Variants in MXRA7 observed in about 807,000 individuals in gnomAD.
MXRA7 encodes matrix remodeling associated 7.
A neutral mutation model predicts 17.4 loss-of-function variants in MXRA7; 18 were observed. The observed-to-expected ratio is 1.03, with a 90% CI of 0.71 to 1.53. The LOEUF is 1.53. Ranked by LOEUF, MXRA7 falls within the 40% of genes most tolerant of loss-of-function variation. MXRA7 has a pLI of 0.00. For synonymous variants in MXRA7, 70 were observed against 101.7 expected, an observed-to-expected ratio of 0.69 and a Z score of 1.87; for missense variants, 141 against 209.3, an observed-to-expected ratio of 0.67 and a Z score of 2.01.
chr17:76,685,389 A>G (rs1448192321), intron 2 of MXRA7, among the ~76,000 whole-genome samples: 3 of 152,216 alleles, frequency 2.0e-5, no homozygotes, highest in Non-Finnish European at 4.4e-5. Flanking sequence ...CCTAGTCCAC[A>G]GCTGTCTCCA....
intron 1 of MXRA7, among the ~76,000 whole-genome samples, chr17:76,697,279 G>C (rs1023090997): frequency 1.3e-5 from 2 of 152,160 alleles, no homozygotes; most frequent in Admixed American, 6.6e-5. Context: ...CGGAGAAGGC[G>C]GCCAACTGCA....
chr17:76,700,143 T>C (rs2076574618), intron 1 of MXRA7, among the ~76,000 whole-genome samples: 1 of 152,138 alleles, frequency 6.6e-6, no homozygotes, highest in African/African-American at 2.4e-5. Flanking sequence ...CCTGGCTTTT[T>C]GTATTTTTAG....
At chr17:76,683,776 C>T in intron 3 of MXRA7, 1 of 1,121,056 alleles carries the variant, frequency 8.9e-7, no homozygotes, top group Non-Finnish European at 1.4e-6. Context: ...GAGGCCGCGT[C>T]AGTTGTTTGG....
intron 3 of MXRA7, among the ~76,000 whole-genome samples, chr17:76,682,521 C>A (rs1189278851): frequency 6.6e-6 from 1 of 152,124 alleles, no homozygotes; most frequent in African/African-American, 2.4e-5. Flanking sequence ...GCGCTCCCCA[C>A]CCCCATGAGA....
downstream of MXRA7, among the ~76,000 whole-genome samples, chr17:76,678,413 T>A (rs1454061488): frequency 6.6e-6 from 1 of 152,204 alleles, no homozygotes; most frequent in African/African-American, 2.4e-5. Context: ...AGCTACACCA[T>A]CTGACCAGCA....
At chr17:76,677,557 G>C, downstream of MXRA7, 3 of 1,473,198 alleles carry the variant, frequency 2.0e-6, no homozygotes, top group Non-Finnish European at 2.8e-6. Flanking sequence ...ACAGCATCAG[G>C]CATGGCCGCT....
At chr17:76,705,054 A>G (rs1235349264) in intron 1 of MXRA7, among the ~76,000 whole-genome samples, 1 of 152,184 alleles carries the variant, frequency 6.6e-6, no homozygotes, top group Non-Finnish European at 1.5e-5. Context: ...GGCTACAAAA[A>G]GGAAACTGTC....
chr17:76,687,973 C>A (rs2076420366), intron 2 of MXRA7, 140 bp downstream of exon 2: 1 of 843,964 alleles, frequency 1.2e-6, no homozygotes, highest in African/African-American at 1.7e-5. Flanking sequence ...CCAGACTCTA[C>A]CTCTCATGCC....
intron 1 of MXRA7, among the ~76,000 whole-genome samples, chr17:76,706,253 CATCACA>C (rs2076655989): frequency 5.4e-5 from 7 of 129,780 alleles, no homozygotes; most frequent in African/African-American, 8.5e-5. Context: ...CCCACTCTGC[CATCACA>C]GAGGCCCACG....
intron 1 of MXRA7, among the ~76,000 whole-genome samples, chr17:76,702,416 G>A (rs551943994): frequency 3.3e-5 from 5 of 152,310 alleles, no homozygotes; most frequent in African/African-American, 1.2e-4. Flanking sequence ...GCCGAGGCAT[G>A]AGGATCCCTT....
At chr17:76,675,035 T>C (rs1287425170), downstream of MXRA7, 1 of 152,218 alleles carries the variant, frequency 6.6e-6, no homozygotes, top group African/African-American at 2.4e-5. Context: ...TTGTTCTAAC[T>C]CTTGGCTTCT....
intron 3 of MXRA7, among the ~76,000 whole-genome samples, chr17:76,682,162 A>G (rs1219554095): frequency 6.6e-6 from 1 of 152,128 alleles, no homozygotes; most frequent in East Asian, 1.9e-4. Context: ...TTCCAGTCCC[A>G]CTTCCTAATT....
chr17:76,673,279 T>C (rs1291618111), exon 4 of MXRA7: 1 of 152,216 alleles, frequency 6.6e-6, no homozygotes, highest in Non-Finnish European at 1.5e-5. Flanking sequence ...CAACTTCTAC[T>C]TTCTTTAAAG....
Position 76,708,393 on chromosome 17 carries a change from T to C in MXRA7, c.342+2212A>G, listed in dbSNP as rs187319099. ...AGGTGGAGTTGCCCTCCTCCCTCGCTGTTGGTGGGGTTCGCTTAGGGACGG... is the reference window on the plus strand; with the variant it reads ...AGGTGGAGTTGCCCTCCTCCCTCGCCGTTGGTGGGGTTCGCTTAGGGACGG... On this transcript the variant is annotated intron_variant, in intron 1 of 3. Coordinates refer to ENST00000449428, the MANE Select transcript of MXRA7 (RefSeq NM_198530.4). Among the ~76,000 whole-genome samples, 4 of 152,258 alleles carry C rather than the reference T, an allele frequency of 2.6e-5. No homozygotes were observed. In the East Asian group the frequency reaches 7.7e-4, roughly 29 times the overall value.
rs1027931002 is a variant in MXRA7 at position 76,681,155 on chromosome 17, TAAGG to T, written c.501-280_501-277del. ...CCCTGTTCAGCCTCTGCAGGGTACT[TAAGG>T]AAGGAACTTGGGCATTTGAGTTGCC... On this transcript the variant is annotated intron_variant, in intron 3 of 3. Transcript: ENST00000449428. The surrounding 1 kb of genome is among the most constrained non-coding windows in gnomAD (Gnocchi z 4.7). 6.6e-6 allele frequency among the ~76,000 whole-genome samples: 1 copy of T among 152,188 alleles called. No individual in the cohort carries two copies. The highest frequency in any genetic ancestry group is 1.5e-5 in the Non-Finnish European group (1 of 68,040).
chr17:76,677,676 A>T (rs2076251984), downstream of MXRA7: 2 of 1,613,880 alleles, frequency 1.2e-6, no homozygotes, highest in Admixed American at 1.7e-5. Context: ...GAGCTTGAAG[A>T]TGGCAGCCAG....
chr17:76,707,695 T>C (rs1037725377), intron 1 of MXRA7, among the ~76,000 whole-genome samples: 1 of 152,206 alleles, frequency 6.6e-6, no homozygotes, highest in African/African-American at 2.4e-5. Flanking sequence ...GCTATTCAAA[T>C]GACCCTTGAC....
downstream of MXRA7, chr17:76,674,959 C>A (rs562803791): frequency 6.6e-6 from 1 of 152,310 alleles, no homozygotes; most frequent in East Asian, 1.9e-4. Flanking sequence ...CAATAAAAGC[C>A]CACAGTACGA....
chr17:76,678,450 C>T (rs1183931747), downstream of MXRA7, among the ~76,000 whole-genome samples: 1 of 152,110 alleles, frequency 6.6e-6, no homozygotes, highest in Admixed American at 6.5e-5. Flanking sequence ...GCACAAACAC[C>T]TCAGGTGGGG....
Sources: allele counts gnomAD v4.1 joint callset (sites outside exome capture counted in the v4.1 genomes callset), GRCh38; gene constraint gnomAD v4.1.1; non-coding constraint Gnocchi (gnomAD v3.1); transcripts MANE v1.5; gene names NCBI Gene and HGNC (gene_info 2026-07-23, HGNC 2026-07-21).